Variants in MDFIC observed in about 807,000 individuals in gnomAD.
MDFIC encodes myoD family inhibitor domain-containing protein.
A neutral mutation model predicts 23.2 loss-of-function variants in MDFIC; 17 were observed. The observed-to-expected ratio is 0.73, with a 90% CI of 0.50 to 1.10. The LOEUF (loss-of-function observed/expected upper bound fraction) is 1.10, where lower values mean the gene tolerates loss of function less well. Ranked by LOEUF, MDFIC falls within the 50% of genes least tolerant of loss-of-function variation. MDFIC has a pLI of 0.00. For missense variants in MDFIC, 356 were observed against 316.6 expected (o/e 1.12, Z -0.95); for synonymous variants, 120 against 115.2 (o/e 1.04, Z -0.27).
chr7:115,002,984 C>T (rs1467635801), intron 4 of MDFIC, among the ~76,000 whole-genome samples: 13 of 152,142 alleles, frequency 8.5e-5, no homozygotes, highest in Admixed American at 2.6e-4. Flanking sequence ...TAGCTATGTG[C>T]GGTCCCTGTT....
chr7:114,983,167 A>G (rs1308200221), intron 4 of MDFIC, among the ~76,000 whole-genome samples: 3 of 152,224 alleles, frequency 2.0e-5, no homozygotes, highest in Non-Finnish European at 4.4e-5. Context: ...CCAAAGGCAA[A>G]TGAGCAAACA....
At chr7:114,947,641 T>G (rs1477938305) in intron 3 of MDFIC, among the ~76,000 whole-genome samples, 5 of 152,100 alleles carry the variant, frequency 3.3e-5, no homozygotes, top group Non-Finnish European at 7.4e-5. Flanking sequence ...TTTGAGCCGA[T>G]TTTTGTTTGG....
At chr7:114,955,873 C>A (rs2594456) in intron 3 of MDFIC, among the ~76,000 whole-genome samples, 149,928 of 152,320 alleles carry the variant, frequency 0.98, 73,832 homozygotes, top group East Asian at 1. Context: ...TCATATATTG[C>A]TCTAACCTGG....
chr7:115,001,965 T>C (rs936593985), intron 4 of MDFIC, among the ~76,000 whole-genome samples: 1 of 152,070 alleles, frequency 6.6e-6, no homozygotes, highest in Admixed American at 6.6e-5. Flanking sequence ...GGCTAAACCC[T>C]GTCTGTACTA....
rs1366524755 is a variant in MDFIC at position 114,942,275 on chromosome 7, G to T, written c.95G>T (p.Gly32Val). Residue 32 changes from glycine (G) to valine (V), a missense_variant and splice_region_variant, in exon 3 of 5, where the codon GGA becomes GTA. Transcript: ENST00000393486. ...ATTAAATGTATCTTTTTTAATTCAG[G>T]AAAATGTGATAAAGACAATACTGAG... Reference protein sequence around the residue: ...GGGQLGSTAQGKCDKDNTEKD... With the variant: ...GGGQLGSTAQVKCDKDNTEKD... 1 of 1,482,064 alleles carries T rather than the reference G, an allele frequency of 6.7e-7. No homozygotes were observed. The highest frequency in any genetic ancestry group is 2.4e-5 in the East Asian group (1 of 41,544). 91.8% of individuals were successfully genotyped at this position (1,482,064 alleles called of 1,614,324 possible).
intron 3 of MDFIC, among the ~76,000 whole-genome samples, chr7:114,963,130 C>CTGAG (rs1236070607): frequency 6.6e-6 from 1 of 152,014 alleles, no homozygotes; most frequent in East Asian, 1.9e-4. Context: ...AAGCCAATTT[C>CTGAG]TGGTCAGTTA....
intron 4 of MDFIC, among the ~76,000 whole-genome samples, chr7:114,987,032 A>G (rs1304874795): frequency 4.6e-5 from 7 of 152,200 alleles, no homozygotes; most frequent in Non-Finnish European, 8.8e-5. Flanking sequence ...AATGGCTGAA[A>G]TTCTTAAGGG....
intron 3 of MDFIC, among the ~76,000 whole-genome samples, chr7:114,964,525 A>ACTTCC (rs369470623): frequency 0.014 from 1,381 of 96,396 alleles, 8 homozygotes; most frequent in Non-Finnish European, 0.021. Context: ...CCTTCCCTTC[A>ACTTCC]CTTCCCTTCC....
chr7:114,943,560 A>T (rs1357658515), intron 3 of MDFIC, among the ~76,000 whole-genome samples: 1 of 152,188 alleles, frequency 6.6e-6, no homozygotes, highest in Non-Finnish European at 1.5e-5. Flanking sequence ...AGACTCAGGA[A>T]TTAGTGAGGA....
At chr7:114,933,881 AG>A (rs935867298) in intron 2 of MDFIC, 1 of 152,198 alleles carries the variant, frequency 6.6e-6, no homozygotes, top group African/African-American at 2.4e-5. Context: ...TGAAAATTTT[AG>A]GGAAGTAGAT....
At chr7:114,980,438 A>G (rs1046932003) in intron 4 of MDFIC, among the ~76,000 whole-genome samples, 6 of 152,178 alleles carry the variant, frequency 3.9e-5, no homozygotes, top group Non-Finnish European at 8.8e-5. Flanking sequence ...CTTCAGTTCT[A>G]TCTCATCCTG....
intron 4 of MDFIC, chr7:115,014,613 A>G: frequency 9.7e-7 from 1 of 1,034,096 alleles, no homozygotes; most frequent in South Asian, 1.9e-5. Flanking sequence ...TATACAAAGT[A>G]CAAAAACAAA....
At chr7:115,001,874 C>G (rs540522419) in intron 4 of MDFIC, among the ~76,000 whole-genome samples, 1 of 152,170 alleles carries the variant, frequency 6.6e-6, no homozygotes, top group African/African-American at 2.4e-5. Flanking sequence ...CACTGACTTA[C>G]AACTGTAATC....
chr7:114,972,329 C>T (rs912678546), intron 3 of MDFIC, among the ~76,000 whole-genome samples: 5 of 152,130 alleles, frequency 3.3e-5, no homozygotes, highest in African/African-American at 9.7e-5. Context: ...AGGTGATCAA[C>T]TCATCCCAGA....
At chr7:114,950,484 G>A (rs1056953361) in intron 3 of MDFIC, among the ~76,000 whole-genome samples, 2 of 152,042 alleles carry the variant, frequency 1.3e-5, no homozygotes, top group East Asian at 1.9e-4. Context: ...GACAAGAAGG[G>A]CATCATAAAT....
rs534237843 is a variant in MDFIC, at chr7:115,018,665, T to C, written c.*2730T>C. The C allele has an allele frequency of 6.6e-6, 1 of 152,560 alleles. No individual in the cohort carries two copies. Among genetic ancestry groups the C allele is most frequent in the South Asian group, 2.1e-4 (1 of 4,830 alleles). 9.5% of individuals were successfully genotyped at this position (152,560 alleles called of 1,614,324 possible). ...TTTATAGTTACAGGCGGTGTCCTTT[T>C]AAATGTGGAAAGGCTTTTAAAATAT... On this transcript the variant is annotated 3_prime_UTR_variant, in exon 5 of 5. Coordinates refer to ENST00000393486, the MANE Select transcript of MDFIC (RefSeq NM_001166345.3).
intron 2 of MDFIC, among the ~76,000 whole-genome samples, chr7:114,940,792 A>C (rs958959656): frequency 6.6e-6 from 1 of 152,212 alleles, no homozygotes; most frequent in Non-Finnish European, 1.5e-5. Context: ...TTATTGAAAG[A>C]ATAAATTGGT....
chr7:114,999,485 C>T (rs1791415182), intron 4 of MDFIC, among the ~76,000 whole-genome samples: 1 of 151,842 alleles, frequency 6.6e-6, no homozygotes, highest in Admixed American at 6.6e-5. Flanking sequence ...ACTGAAGCAA[C>T]ATAGAAATAC....
At chr7:114,952,148 A>G (rs1792790765) in intron 3 of MDFIC, among the ~76,000 whole-genome samples, 1 of 152,224 alleles carries the variant, frequency 6.6e-6, no homozygotes, top group East Asian at 1.9e-4. Context: ...AATTCAGGAA[A>G]GAAGGAGTTT....
Sources: gnomAD v4.1 joint callset for allele counts (sites outside exome capture counted in the v4.1 genomes callset) on GRCh38, gnomAD v4.1.1 for gene constraint, MANE v1.5 for transcripts, NCBI Gene and HGNC (gene_info 2026-07-23, HGNC 2026-07-21) for gene names.